The following ARFGEF3 variants were observed in gnomAD, a reference collection of about 807,000 sequenced individuals.
The protein encoded by ARFGEF3 is brefeldin A-inhibited guanine nucleotide-exchange protein 3.
A neutral mutation model predicts 221.7 loss-of-function variants in ARFGEF3; 96 were observed. The observed-to-expected ratio is 0.43, with a 90% CI of 0.37 to 0.51. The LOEUF (loss-of-function observed/expected upper bound fraction) is 0.51, where lower values mean the gene tolerates loss of function less well. Ranked by LOEUF, ARFGEF3 falls within the 20% of genes least tolerant of loss-of-function variation. The pLI, the probability that ARFGEF3 is intolerant of heterozygous loss-of-function variation, is 0.00. For synonymous variants in ARFGEF3, 1,145 were observed against 1,126.8 expected, an observed-to-expected ratio of 1.02 and a Z score of -0.32; for missense variants, 2,410 against 2,789.9, an observed-to-expected ratio of 0.86 and a Z score of 3.07.
At chr6:138,233,692 C>T (rs772603350) in intron 5 of ARFGEF3, among the ~76,000 whole-genome samples, 16 of 152,118 alleles carry the variant, frequency 1.1e-4, no homozygotes, top group Non-Finnish European at 1.2e-4. Flanking sequence ...TTCTTTTACT[C>T]TGATATGATA....
At chr6:138,205,086 A>T (rs530970002) in intron 2 of ARFGEF3, among the ~76,000 whole-genome samples, 1 of 152,362 alleles carries the variant, frequency 6.6e-6, no homozygotes, top group East Asian at 1.9e-4. Context: ...AGTAATCCAC[A>T]GATGGCAGAG....
intron 2 of ARFGEF3, among the ~76,000 whole-genome samples, chr6:138,179,580 A>G (rs1014611853): frequency 2.8e-4 from 43 of 152,106 alleles, no homozygotes; most frequent in African/African-American, 1.0e-3. Flanking sequence ...CAGTCTAGAT[A>G]ATGACATATT....
At chr6:138,233,273 C>T (rs948551574) in intron 5 of ARFGEF3, among the ~76,000 whole-genome samples, 5 of 152,160 alleles carry the variant, frequency 3.3e-5, no homozygotes, top group East Asian at 1.9e-4. Context: ...AAAACATTGA[C>T]GCTCAACACC....
chr6:138,255,739 C>G lies in ARFGEF3; in HGVS notation c.1074C>G (p.His358Gln). The G allele has an allele frequency of 6.3e-7, 1 of 1,590,562 alleles. No individual in the cohort carries two copies. The highest frequency in any genetic ancestry group is 8.6e-7 in the Non-Finnish European group (1 of 1,164,352). The change falls in exon 10 of 34, where the codon CAC becomes CAG. Residue 358 changes from histidine (H) to glutamine (Q), a missense_variant. By Grantham distance (24) the His-to-Gln change is conservative. Transcript: ENST00000251691. ...HRVLLYPPPQ[H>Q]RVEAIKIMKE... ...TGCTGCTCTACCCCCCACCCCAGCACCGGGTGGAAGCCATCAAAATAATGA... is the reference window on the plus strand; with the variant it reads ...TGCTGCTCTACCCCCCACCCCAGCAGCGGGTGGAAGCCATCAAAATAATGA...
chr6:138,175,487 C>T (rs955877019), intron 2 of ARFGEF3, among the ~76,000 whole-genome samples: 7 of 152,142 alleles, frequency 4.6e-5, no homozygotes, highest in South Asian at 2.1e-4. Context: ...AAGAAGCCAT[C>T]GATAGCTCAG....
At chr6:138,327,745 C>G (rs1037251687) in intron 31 of ARFGEF3, among the ~76,000 whole-genome samples, 11 of 152,120 alleles carry the variant, frequency 7.2e-5, no homozygotes, top group Admixed American at 2.0e-4. Flanking sequence ...TCAATACCTG[C>G]TATTTGGGGT....
rs1780386911 is a variant in ARFGEF3 at position 138,339,325 on chromosome 6, TCCC to T, written c.*2842_*2844del. The T allele has an allele frequency of 6.6e-6, 1 of 152,262 alleles. No individual in the cohort carries two copies. The highest frequency in any genetic ancestry group is 2.1e-4 in the South Asian group (1 of 4,816). 9.4% of individuals were successfully genotyped at this position (152,262 alleles called of 1,614,324 possible). A position where few individuals can be genotyped will look rare whatever the true frequency, so the allele number is the denominator to read the frequency against. ...CTGTTCCTGTGACTCAGCTGCCCAC[TCCC>T]CCAACTTTGTTTCCCTCCCTCCCAG... On this transcript the variant is annotated 3_prime_UTR_variant, in exon 34 of 34. Transcript: ENST00000251691.
rs1163251711 is a variant in ARFGEF3 at position 138,245,692 on chromosome 6, G to A, written c.665+101G>A. On this transcript the variant is annotated intron_variant, in intron 8 of 33. Coordinates refer to ENST00000251691, the MANE Select transcript of ARFGEF3 (RefSeq NM_020340.5). The stretch of plus-strand genomic sequence containing the variant: ...TCAAATTATGGATTGTAAGATTATA[G>A]GGACAATAGTTTCCCCCCTCCACAC... 6 of 888,144 alleles carry A rather than the reference G, an allele frequency of 6.8e-6. No individual in the cohort carries two copies. The Admixed American group carries it at 1.2e-4, about 18-fold the overall frequency. 55.0% of individuals were successfully genotyped at this position (888,144 alleles called of 1,614,324 possible).
At chr6:138,310,118 G>T (rs1360705179) in intron 24 of ARFGEF3, among the ~76,000 whole-genome samples, 1 of 152,218 alleles carries the variant, frequency 6.6e-6, no homozygotes, top group Non-Finnish European at 1.5e-5. Flanking sequence ...AAAAGGCAGA[G>T]CCCCTTGTAT....
Position 138,334,957 on chromosome 6 carries a change from C to T in ARFGEF3, c.6111C>T (p.Asn2037=), listed in dbSNP as rs1780295173. The T allele has an allele frequency of 2.5e-6, 4 of 1,586,756 alleles. No individual in the cohort carries two copies. The highest frequency in any genetic ancestry group is 3.6e-5 in the Admixed American group (2 of 55,126). Residue 2037 remains asparagine (N), a synonymous_variant, in exon 33 of 34, where the codon AAC becomes AAT. Transcript: ENST00000251691. This position sits in a 1 kb window ranked among gnomAD's most constrained non-coding sequence, Gnocchi z 5.1. Reference sequence around the variant, plus strand: ...ACAAAAAGAGGAAACAGCAGCACAACCTGTCCGCGTTCCCCAAAGAGGTCA... The same window carrying T: ...ACAAAAAGAGGAAACAGCAGCACAATCTGTCCGCGTTCCCCAAAGAGGTCA... ...TEYKKRKQQH[N]LSAFPKEVKV...
intron 2 of ARFGEF3, among the ~76,000 whole-genome samples, chr6:138,176,783 C>G (rs1322064741): frequency 2.0e-5 from 3 of 152,008 alleles, no homozygotes; most frequent in African/African-American, 7.2e-5. Context: ...TTGAGCATTG[C>G]TGGTAGGCCA....
At chr6:138,273,495 A>T (rs1267330935) in intron 12 of ARFGEF3, among the ~76,000 whole-genome samples, 4 of 152,256 alleles carry the variant, frequency 2.6e-5, no homozygotes, top group Non-Finnish European at 5.9e-5. Context: ...TAGTTCTTAT[A>T]GTTTCTTACT....
rs765888374 is a variant in ARFGEF3, at chr6:138,238,493, C to T, written c.421-16C>T. ...TACCTGCAGACATGTGTGTTGCTGT[C>T]TTATTTCTTTAACAGGTGTGCATTG... is the stretch of plus-strand genomic sequence containing the variant. On this transcript the variant is annotated splice_polypyrimidine_tract_variant and intron_variant, in intron 5 of 33. Coordinates refer to ENST00000251691, the MANE Select transcript of ARFGEF3 (RefSeq NM_020340.5). 3.3e-5 allele frequency: 53 copies of T among 1,610,866 alleles called. No homozygotes were observed. The highest frequency in any genetic ancestry group is 4.2e-5 in the Non-Finnish European group (49 of 1,177,718).
intron 25 of ARFGEF3, 31 bp from the exon 26 acceptor site, chr6:138,313,764 A>G: frequency 6.3e-7 from 1 of 1,589,004 alleles, no homozygotes; most frequent in Non-Finnish European, 8.6e-7. Flanking sequence ...TCCAACATAT[A>G]ATTGCAGTTT....
intron 2 of ARFGEF3, among the ~76,000 whole-genome samples, chr6:138,201,162 TA>T (rs965397904): frequency 1.2e-4 from 18 of 152,168 alleles, no homozygotes; most frequent in African/African-American, 4.3e-4. Context: ...CAAAAAATTT[TA>T]AAAAGTAGAT....
chr6:138,251,904 G>GT (rs1170667092), intron 8 of ARFGEF3, among the ~76,000 whole-genome samples: 2 of 152,006 alleles, frequency 1.3e-5, no homozygotes, highest in Non-Finnish European at 2.9e-5. Flanking sequence ...GTCCAGTCCC[G>GT]TAAGAGTGAA....
intron 26 of ARFGEF3, among the ~76,000 whole-genome samples, chr6:138,314,641 G>A (rs937670118): frequency 2.0e-5 from 3 of 152,140 alleles, no homozygotes; most frequent in African/African-American, 4.8e-5. Flanking sequence ...AAAATACAAT[G>A]GTAGGAAGGC....
At chr6:138,171,744 C>T (rs1002487463) in intron 2 of ARFGEF3, among the ~76,000 whole-genome samples, 8 of 151,946 alleles carry the variant, frequency 5.3e-5, no homozygotes, top group Non-Finnish European at 1.2e-4. Flanking sequence ...AAATTTTATT[C>T]ACGACTTTGT....
intron 10 of ARFGEF3, among the ~76,000 whole-genome samples, chr6:138,257,265 C>T (rs950897978): frequency 6.6e-6 from 1 of 152,154 alleles, no homozygotes; most frequent in Non-Finnish European, 1.5e-5. Context: ...GGGTCCTCCC[C>T]TACTACTGTT....
Sources: allele counts gnomAD v4.1 joint callset (sites outside exome capture counted in the v4.1 genomes callset), GRCh38; gene constraint gnomAD v4.1.1; non-coding constraint Gnocchi (gnomAD v3.1); transcripts MANE v1.5; gene names NCBI Gene and HGNC (gene_info 2026-07-23, HGNC 2026-07-21).